The following MACROD2 variants were observed in gnomAD, a reference collection of about 807,000 sequenced individuals.
MACROD2 encodes mono-ADP ribosylhydrolase 2.
Under a neutral mutation model 70.4 loss-of-function variants are expected in MACROD2, and 36 were observed. The ratio of observed to expected loss-of-function variants is 0.51; its 90% confidence interval spans 0.39 to 0.68. MACROD2 has a LOEUF of 0.68. Ranked by LOEUF, MACROD2 falls within the 30% of genes least tolerant of loss-of-function variation. The pLI is 0.00. For missense variants in MACROD2, 496 were observed against 538.4 expected, an observed-to-expected ratio of 0.92 and a Z score of 0.78; for synonymous variants, 172 against 178.8, an observed-to-expected ratio of 0.96 and a Z score of 0.30.
At chr20:15,505,804 C>A (rs1356219587) in intron 8 of MACROD2, among the ~76,000 whole-genome samples, 1 of 152,132 alleles carries the variant, frequency 6.6e-6, no homozygotes, top group Non-Finnish European at 1.5e-5. Flanking sequence ...AATGGGTTTT[C>A]TTTTATATAG....
intron 3 of MACROD2, among the ~76,000 whole-genome samples, chr20:14,273,971 A>G (rs1395760934): frequency 6.6e-6 from 1 of 152,184 alleles, no homozygotes; most frequent in East Asian, 1.9e-4. Context: ...TGAATAGACC[A>G]ATAACAGGCT....
intron 12 of MACROD2, among the ~76,000 whole-genome samples, chr20:15,938,284 G>A (rs1284952034): frequency 6.6e-6 from 1 of 152,090 alleles, no homozygotes; most frequent in Non-Finnish European, 1.5e-5. Flanking sequence ...TCATTTTACT[G>A]TGCTTTGAAA....
At chr20:15,643,549 T>C (rs1250777728) in intron 8 of MACROD2, among the ~76,000 whole-genome samples, 10 of 152,260 alleles carry the variant, frequency 6.6e-5, no homozygotes, top group Admixed American at 2.0e-4. Flanking sequence ...TGGAATATGG[T>C]TTGTTTGTGG....
chr20:14,664,206 G>A (rs1476995685), intron 4 of MACROD2, among the ~76,000 whole-genome samples: 4 of 151,992 alleles, frequency 2.6e-5, no homozygotes, highest in Non-Finnish European at 5.9e-5. Flanking sequence ...CAAATACCAG[G>A]GTTTTGGCTC....
chr20:15,628,539 T>C (rs560601907), intron 8 of MACROD2, among the ~76,000 whole-genome samples: 1 of 152,346 alleles, frequency 6.6e-6, no homozygotes, highest in South Asian at 2.1e-4. Flanking sequence ...TGGTACATAA[T>C]AGACTACCCA....
At chr20:14,882,122 C>T (rs1343163617) in intron 5 of MACROD2, among the ~76,000 whole-genome samples, 1 of 152,184 alleles carries the variant, frequency 6.6e-6, no homozygotes, top group Non-Finnish European at 1.5e-5. Context: ...CAGTCATGCC[C>T]TTATCCCACA....
chr20:15,400,749 C>T (rs1245644617), intron 6 of MACROD2, among the ~76,000 whole-genome samples: 1 of 152,128 alleles, frequency 6.6e-6, no homozygotes, highest in Non-Finnish European at 1.5e-5. Flanking sequence ...AATAAATGAA[C>T]ACATTTGCCT....
chr20:14,267,377 C>G (rs1017398386), intron 3 of MACROD2, among the ~76,000 whole-genome samples: 1 of 152,068 alleles, frequency 6.6e-6, no homozygotes, highest in African/African-American at 2.4e-5. Context: ...TAACAATTGT[C>G]TAGCAAATTC....
chr20:15,277,072 T>C (rs1448027442), intron 6 of MACROD2, among the ~76,000 whole-genome samples: 1 of 152,202 alleles, frequency 6.6e-6, no homozygotes, highest in Non-Finnish European at 1.5e-5. Flanking sequence ...AATCTTGAGA[T>C]GGGGTGGCTT....
At chr20:14,862,581 ATGT>A (rs2073371116) in intron 5 of MACROD2, among the ~76,000 whole-genome samples, 10 of 33,414 alleles carry the variant, frequency 3.0e-4, no homozygotes, top group African/African-American at 9.3e-4. Flanking sequence ...ATAAATATAT[ATGT>A]ATAAATATAT....
At chr20:15,641,746 T>C (rs57656877) in intron 8 of MACROD2, among the ~76,000 whole-genome samples, 6,323 of 152,250 alleles carry the variant, frequency 0.042, 468 homozygotes, top group African/African-American at 0.14. Flanking sequence ...AAGGAAGATA[T>C]AGAATAGTTA....
intron 3 of MACROD2, among the ~76,000 whole-genome samples, chr20:14,151,544 C>G (rs1172827500): frequency 6.6e-6 from 1 of 152,068 alleles, no homozygotes; most frequent in Non-Finnish European, 1.5e-5. Flanking sequence ...GTGCCTTCCC[C>G]CTCTGATCTC....
chr20:14,201,273 T>G (rs907221739), intron 3 of MACROD2, among the ~76,000 whole-genome samples: 3 of 152,198 alleles, frequency 2.0e-5, no homozygotes, highest in African/African-American at 7.2e-5. Flanking sequence ...AAGAAAGGCC[T>G]TGGATAATCT....
intron 3 of MACROD2, among the ~76,000 whole-genome samples, chr20:14,304,959 A>G (rs1258547148): frequency 6.6e-6 from 1 of 152,016 alleles, no homozygotes; most frequent in Non-Finnish European, 1.5e-5. Context: ...TAGTTGAGTA[A>G]TTTTCAGTCT....
At chr20:14,418,874 C>T (rs2083840995) in intron 3 of MACROD2, among the ~76,000 whole-genome samples, 1 of 151,936 alleles carries the variant, frequency 6.6e-6, no homozygotes, top group Non-Finnish European at 1.5e-5. Context: ...CGCTCCCTTC[C>T]TCCTCTTCTC....
intron 4 of MACROD2, among the ~76,000 whole-genome samples, chr20:14,542,452 T>A (rs2085445733): frequency 6.6e-6 from 1 of 152,236 alleles, no homozygotes; most frequent in Admixed American, 6.5e-5. Context: ...AAATAATCCA[T>A]AACTTAATGT....
chr20:15,280,422 G>C (rs1005654196), intron 6 of MACROD2, among the ~76,000 whole-genome samples: 3 of 152,086 alleles, frequency 2.0e-5, no homozygotes, highest in African/African-American at 7.2e-5. Context: ...TTGGAATTAT[G>C]CATGATTTTT....
At chr20:15,316,119 G>A (rs1431121893) in intron 6 of MACROD2, among the ~76,000 whole-genome samples, 2 of 140,044 alleles carry the variant, frequency 1.4e-5, no homozygotes, top group Non-Finnish European at 3.1e-5. Context: ...AAAAAAGTCA[G>A]TTAACCCCAA....
At chr20:15,924,385 A>G (rs2065457418) in intron 10 of MACROD2, among the ~76,000 whole-genome samples, 1 of 152,228 alleles carries the variant, frequency 6.6e-6, no homozygotes, top group Admixed American at 6.5e-5. Context: ...CTACATCTTC[A>G]ATCGTTGACT....
Sources: gnomAD v4.1 joint callset for allele counts (sites outside exome capture counted in the v4.1 genomes callset) on GRCh38, gnomAD v4.1.1 for gene constraint, MANE v1.5 for transcripts, NCBI Gene and HGNC (gene_info 2026-07-23, HGNC 2026-07-21) for gene names.